The following UBP1 variants were observed in gnomAD, a reference collection of about 807,000 sequenced individuals.
The protein encoded by UBP1 is upstream binding protein 1.
In UBP1, 22 loss-of-function variants were observed where a neutral mutation model predicts 76.1. The ratio of observed to expected loss-of-function variants is 0.29; its 90% CI spans 0.21 to 0.41. The LOEUF (loss-of-function observed/expected upper bound fraction) is 0.41. Ranked by LOEUF, UBP1 falls within the 10% of genes least tolerant of loss-of-function variation. The pLI is 1.00. For synonymous variants in UBP1, 224 were observed against 237.1 expected, an observed-to-expected ratio of 0.94 and a Z score of 0.51; for missense variants, 436 against 668.1, an observed-to-expected ratio of 0.65 and a Z score of 3.83.
chr3:33,434,566 C>T (rs747865906), intron 1 of UBP1, among the ~76,000 whole-genome samples: 4 of 151,642 alleles, frequency 2.6e-5, no homozygotes, highest in African/African-American at 9.7e-5. Flanking sequence ...GGATTACAAG[C>T]GTGAGCCACT....
Position 33,401,018 on chromosome 3 carries a change from TG to T in UBP1, c.1032-3del. On this transcript the variant is annotated splice_region_variant and splice_polypyrimidine_tract_variant and intron_variant, in intron 9 of 15. Coordinates refer to ENST00000283629, the MANE Select transcript of UBP1 (RefSeq NM_014517.5). Reference sequence around the variant, plus strand: ...TGATGATTTGGGGAAGAAGAATTGCTGGGGAGAAAGGAGAAAGAAGGAAATG... The same window carrying T: ...TGATGATTTGGGGAAGAAGAATTGCTGGGAGAAAGGAGAAAGAAGGAAATG... The T allele has an allele frequency of 6.3e-7, 1 of 1,590,144 alleles. No homozygotes were observed.
chr3:33,440,410 C>T (rs1442907385), upstream of UBP1: 1 of 152,548 alleles, frequency 6.6e-6, no homozygotes, highest in Non-Finnish European at 1.5e-5. Context: ...GCTTCCGCCT[C>T]CCCCGGCCCC....
At chr3:33,427,525 T>C (rs2045038686) in intron 1 of UBP1, among the ~76,000 whole-genome samples, 1 of 152,218 alleles carries the variant, frequency 6.6e-6, no homozygotes, top group Admixed American at 6.5e-5. Context: ...TTTTCTCTTT[T>C]TTTCCTACAA....
At chr3:33,435,981 A>T (rs1451494406) in intron 1 of UBP1, among the ~76,000 whole-genome samples, 1 of 152,248 alleles carries the variant, frequency 6.6e-6, no homozygotes, top group African/African-American at 2.4e-5. Context: ...CTACTCAGGG[A>T]CATTCTATTT....
intron 7 of UBP1, 140 bp downstream of exon 7, chr3:33,409,096 T>C (rs1054385244): frequency 1.2e-6 from 1 of 833,158 alleles, no homozygotes; most frequent in Middle Eastern, 3.7e-4. Context: ...TTAAATATTT[T>C]CCCCAGAAAT....
intron 8 of UBP1, among the ~76,000 whole-genome samples, chr3:33,406,866 A>G (rs752870578): frequency 2.0e-4 from 30 of 152,222 alleles, no homozygotes; most frequent in Non-Finnish European, 4.3e-4. Flanking sequence ...ATGAAGACCA[A>G]CAGACACACT....
At chr3:33,410,988 G>A (rs1172148733) in intron 5 of UBP1, among the ~76,000 whole-genome samples, 1 of 151,468 alleles carries the variant, frequency 6.6e-6, no homozygotes, top group Non-Finnish European at 1.5e-5. Context: ...GATGAGAAGA[G>A]CTTGAATCTG....
intron 8 of UBP1, among the ~76,000 whole-genome samples, chr3:33,404,282 T>C (rs2044353822): frequency 6.6e-6 from 1 of 151,826 alleles, no homozygotes; most frequent in South Asian, 2.1e-4. Context: ...CGTAGTGGCG[T>C]GTGCCTGTAA....
Position 33,390,269 on chromosome 3 carries a change from G to C in UBP1, c.*62C>G. ...CCAATCCCAAGACTTCTTGGATTCA[G>C]TCTTCACACACTTTTAAGCGTGACT... is the stretch of plus-strand genomic sequence containing the variant. On this transcript the variant is annotated 3_prime_UTR_variant, in exon 16 of 16. Transcript: ENST00000283629. 1 of 1,514,554 alleles carries C rather than the reference G, an allele frequency of 6.6e-7. No individual in the cohort carries two copies. The highest frequency in any genetic ancestry group is 9.1e-7 in the Non-Finnish European group (1 of 1,098,828). 93.8% of individuals were successfully genotyped at this position (1,514,554 alleles called of 1,614,324 possible). A position where few individuals can be genotyped will look rare whatever the true frequency, so the allele number is the denominator to read the frequency against.
chr3:33,405,319 T>A (rs561433300), intron 8 of UBP1, among the ~76,000 whole-genome samples: 158 of 152,300 alleles, frequency 1.0e-3, no homozygotes, highest in African/African-American at 3.7e-3. Flanking sequence ...ATTTTTTGAA[T>A]GAACAATAGC....
Position 33,401,197 on chromosome 3 carries a change from G to C in UBP1, c.1032-181C>G, listed in dbSNP as rs985885415. Reference sequence around the variant, plus strand: ...CAGCTTAGGGTGTGGACATGATGACGAAATTAAGACACAGAAGACTGTGTC... The same window carrying C: ...CAGCTTAGGGTGTGGACATGATGACCAAATTAAGACACAGAAGACTGTGTC... On this transcript the variant is annotated intron_variant, in intron 9 of 15. Coordinates refer to ENST00000283629, the MANE Select transcript of UBP1 (RefSeq NM_014517.5). 2.0e-5 allele frequency among the ~76,000 whole-genome samples: 3 copies of C among 152,120 alleles called. No individual in the cohort carries two copies. The East Asian group carries it at 5.8e-4, about 29-fold the overall frequency.
intron 1 of UBP1, among the ~76,000 whole-genome samples, chr3:33,430,091 T>C (rs1394768606): frequency 3.3e-5 from 5 of 152,150 alleles, no homozygotes; most frequent in Non-Finnish European, 5.9e-5. Flanking sequence ...TCACTGAGGA[T>C]AGGGGGGAAA....
chr3:33,408,256 C>T (rs1339831512), intron 8 of UBP1, among the ~76,000 whole-genome samples: 1 of 152,066 alleles, frequency 6.6e-6, no homozygotes, highest in East Asian at 1.9e-4. Context: ...TAACTGTCCA[C>T]AAAATTTTAT....
At chr3:33,422,768 G>T (rs914687263) in intron 2 of UBP1, among the ~76,000 whole-genome samples, 5 of 109,420 alleles carry the variant, frequency 4.6e-5, no homozygotes, top group African/African-American at 1.8e-4. Flanking sequence ...AGGAGGGGGG[G>T]AGAAAGGGGG....
At chr3:33,410,646 T>G (rs989275581) in intron 5 of UBP1, among the ~76,000 whole-genome samples, 15 of 152,316 alleles carry the variant, frequency 9.8e-5, no homozygotes, top group South Asian at 2.1e-4. Context: ...ACATACAAAT[T>G]TGAACATTGT....
chr3:33,440,237 C>G lies in UBP1; in HGVS notation c.-389G>C, dbSNP rs1005270576. 4 of 155,598 alleles carry G rather than the reference C, an allele frequency of 2.6e-5. No homozygotes were observed. The Middle Eastern group carries it at 9.7e-3, about 379-fold the overall frequency. The allele number at this position is 155,598 out of a possible 1,614,324, so 9.6% of individuals were successfully genotyped here. On this transcript the variant is annotated 5_prime_UTR_variant, in exon 1 of 16. Coordinates refer to ENST00000283629, the MANE Select transcript of UBP1 (RefSeq NM_014517.5). Reference sequence around the variant, plus strand: ...ACCTCGGGCCGCTCCGAGGACCACACGGGGGCAAGCCCTCCGCCCGCCCGT... The same window carrying G: ...ACCTCGGGCCGCTCCGAGGACCACAGGGGGGCAAGCCCTCCGCCCGCCCGT...
At chr3:33,427,557 G>A (rs1559691234) in intron 1 of UBP1, among the ~76,000 whole-genome samples, 1 of 152,120 alleles carries the variant, frequency 6.6e-6, no homozygotes, top group East Asian at 1.9e-4. Context: ...AGATACTTGG[G>A]TAGCCAGGTC....
chr3:33,433,641 A>G (rs2045152555), intron 1 of UBP1, among the ~76,000 whole-genome samples: 1 of 151,862 alleles, frequency 6.6e-6, no homozygotes, highest in South Asian at 2.1e-4. Context: ...TAACAGAACA[A>G]GACTCCACAT....
chr3:33,419,800 C>T (rs765412942), intron 2 of UBP1, among the ~76,000 whole-genome samples: 5 of 152,138 alleles, frequency 3.3e-5, no homozygotes, highest in Admixed American at 6.5e-5. Context: ...TTTAATACCA[C>T]GGCTTCCTGA....
Sources: allele counts gnomAD v4.1 joint callset (sites outside exome capture counted in the v4.1 genomes callset), GRCh38; gene constraint gnomAD v4.1.1; transcripts MANE v1.5; gene names NCBI Gene and HGNC (gene_info 2026-07-23, HGNC 2026-07-21).